The following DCAF8L2 variants were observed in gnomAD, a reference collection of about 807,000 sequenced individuals.
The protein encoded by DCAF8L2 is DDB1- and CUL4-associated factor 8-like protein 2.
For missense variants in DCAF8L2, 430 were observed against 490.7 expected (o/e 0.88, Z 1.17); for synonymous variants, 200 against 190.9 (o/e 1.05, Z -0.39).
chrX:27,743,582 GA>G (rs1256885870), intron 4 of DCAF8L2, among the ~76,000 whole-genome samples: 1 of 109,238 alleles, frequency 9.2e-6, no homozygotes, highest in Non-Finnish European at 1.9e-5. Flanking sequence ...TTTTAGTAGA[GA>G]GGGGGTTTTG....
chrX:27,543,542 C>G, the DCAF8L2 span, among the ~76,000 whole-genome samples: 4 of 111,376 alleles, frequency 3.6e-5, no homozygotes, highest in Non-Finnish European at 7.5e-5. Flanking sequence ...TATTCTTGGT[C>G]TCTCTGAGCC....
At chrX:27,687,383 T>G (rs1930550896) in intron 3 of DCAF8L2, among the ~76,000 whole-genome samples, 1 of 111,685 alleles carries the variant, frequency 9.0e-6, no homozygotes, top group Middle Eastern at 4.7e-3. Context: ...CAAACAGATA[T>G]TCAAAACTTC....
At chrX:27,695,774 A>C (rs1401719906) in intron 3 of DCAF8L2, among the ~76,000 whole-genome samples, 1 of 111,800 alleles carries the variant, frequency 8.9e-6, no homozygotes, top group Non-Finnish European at 1.9e-5. Context: ...TCTCCAGTTT[A>C]TCTTCAGCAG....
chrX:27,596,982 A>G lies in DCAF8L2; in HGVS notation c.-342+6542A>G, dbSNP rs1288209661. ...ATAATTGTATTTGTTTTCTGTTGTT[A>G]TTAGAAAAGTGCTCTTGGAACATTT... On this transcript the variant is annotated intron_variant, in intron 1 of 4. Coordinates refer to ENST00000451261, the MANE Select transcript of DCAF8L2 (RefSeq NM_001353450.2). Among the ~76,000 whole-genome samples, 15 of 111,229 alleles carry G rather than the reference A, an allele frequency of 1.3e-4. No individual in the cohort carries two copies. The South Asian group carries it at 5.6e-3, about 42-fold the overall frequency.
chrX:27,705,958 A>G (rs1201047105), intron 3 of DCAF8L2, among the ~76,000 whole-genome samples: 1 of 111,182 alleles, frequency 9.0e-6, no homozygotes, highest in Non-Finnish European at 1.9e-5. Context: ...TCTTGAGTTG[A>G]TTTTTTGTAT....
At chrX:27,482,961 GT>G in the DCAF8L2 span, among the ~76,000 whole-genome samples, 1 of 111,057 alleles carries the variant, frequency 9.0e-6, no homozygotes, top group African/African-American at 3.3e-5. Flanking sequence ...TTGCTTGTGT[GT>G]TTTTTTGTGT....
At chrX:27,643,963 G>A (rs747337931) in intron 2 of DCAF8L2, among the ~76,000 whole-genome samples, 4 of 111,344 alleles carry the variant, frequency 3.6e-5, no homozygotes, top group Admixed American at 9.5e-5. Flanking sequence ...TCATAAAAAC[G>A]TCCCAATCCC....
chrX:27,514,187 C>A, the DCAF8L2 span, among the ~76,000 whole-genome samples: 159 of 86,496 alleles, frequency 1.8e-3, no homozygotes, highest in Non-Finnish European at 3.0e-3. Flanking sequence ...TGTATGTACC[C>A]GTGCACACAT....
chrX:27,501,285 ATGTG>A, the DCAF8L2 span, among the ~76,000 whole-genome samples: 1 of 89,146 alleles, frequency 1.1e-5, no homozygotes, highest in Admixed American at 1.3e-4. Flanking sequence ...GTGTGTGTGT[ATGTG>A]TGTGTGTGTG....
At chrX:27,602,251 T>G (rs1294046407) in intron 1 of DCAF8L2, among the ~76,000 whole-genome samples, 1 of 110,839 alleles carries the variant, frequency 9.0e-6, no homozygotes, top group African/African-American at 3.3e-5. Context: ...GTCAGGCTGG[T>G]CTTGAACTCC....
At chrX:27,496,333 G>A in the DCAF8L2 span, among the ~76,000 whole-genome samples, 10 of 111,704 alleles carry the variant, frequency 9.0e-5, no homozygotes, top group African/African-American at 2.6e-4. Context: ...GCTGTGAAAC[G>A]CTCAGCAGAA....
the DCAF8L2 span, among the ~76,000 whole-genome samples, chrX:27,525,619 A>G: frequency 0.032 from 3,522 of 111,566 alleles, 129 homozygotes; most frequent in African/African-American, 0.11. Flanking sequence ...GTTTCTTCCT[A>G]GTGTCAATGG....
chrX:27,490,463 TTTTTTG>T, the DCAF8L2 span, among the ~76,000 whole-genome samples: 1 of 109,347 alleles, frequency 9.1e-6, no homozygotes, highest in African/African-American at 3.4e-5. Flanking sequence ...TTGTTTTTTG[TTTTTTG>T]TTTTTTTTTG....
At chrX:27,720,133 A>T (rs1931841745) in intron 4 of DCAF8L2, among the ~76,000 whole-genome samples, 3 of 111,006 alleles carry the variant, frequency 2.7e-5, no homozygotes, top group African/African-American at 9.8e-5. Flanking sequence ...ATATTTATTT[A>T]AAAATGTATA....
At chrX:27,571,192 G>A in the DCAF8L2 span, among the ~76,000 whole-genome samples, 4 of 111,421 alleles carry the variant, frequency 3.6e-5, no homozygotes, top group Non-Finnish European at 5.7e-5. Context: ...TTTTGTTGAG[G>A]GAAGTAATTT....
At chrX:27,519,540 A>G in the DCAF8L2 span, 1 of 765,280 alleles carries the variant, frequency 1.3e-6, no homozygotes, top group South Asian at 2.1e-5. Context: ...AAGAAGAGTT[A>G]AAAACTGTGA....
At chrX:27,629,864 G>GA (rs1407688937) in intron 1 of DCAF8L2, among the ~76,000 whole-genome samples, 9 of 111,389 alleles carry the variant, frequency 8.1e-5, no homozygotes, top group African/African-American at 2.6e-4. Context: ...TTGGAATTTT[G>GA]ACAGGAATAG....
At chrX:27,607,581 T>C (rs1926966707) in intron 1 of DCAF8L2, among the ~76,000 whole-genome samples, 1 of 111,544 alleles carries the variant, frequency 9.0e-6, no homozygotes, top group South Asian at 3.8e-4. Context: ...TCATGGCATT[T>C]TCACTTTGAA....
At chrX:27,707,473 T>G (rs1166988352) in intron 3 of DCAF8L2, among the ~76,000 whole-genome samples, 1 of 111,196 alleles carries the variant, frequency 9.0e-6, no homozygotes, top group African/African-American at 3.3e-5. Context: ...ATCATAACAT[T>G]TAGGTGGTGA....
Sources: allele counts gnomAD v4.1 joint callset (sites outside exome capture counted in the v4.1 genomes callset), GRCh38; gene constraint gnomAD v4.1.1; transcripts MANE v1.5; gene names NCBI Gene and HGNC (gene_info 2026-07-23, HGNC 2026-07-21).